The following CSTPP1 variants were observed in gnomAD, a reference collection of about 807,000 sequenced individuals.
CSTPP1 encodes centriolar satellite-associated tubulin polyglutamylase complex regulator 1.
the CSTPP1 span, chr11:47,052,582 CCT>C: frequency 1.2e-4 from 188 of 1,547,728 alleles, no homozygotes; most frequent in East Asian, 5.8e-4. Flanking sequence ...TTCCTTCCTT[CCT>C]CTCTCTCTCT....
the CSTPP1 span, among the ~76,000 whole-genome samples, chr11:47,095,605 A>G: frequency 6.6e-6 from 1 of 152,092 alleles, no homozygotes; most frequent in Admixed American, 6.5e-5. Context: ...TCTATTTTTG[A>G]TGTCTTGGGT....
At chr11:47,000,437 G>C in the CSTPP1 span, among the ~76,000 whole-genome samples, 1 of 152,108 alleles carries the variant, frequency 6.6e-6, no homozygotes. Flanking sequence ...ATATAGAAAA[G>C]AATAATATTC....
At chr11:46,988,079 T>C in the CSTPP1 span, among the ~76,000 whole-genome samples, 2 of 152,300 alleles carry the variant, frequency 1.3e-5, no homozygotes, top group African/African-American at 4.8e-5. Flanking sequence ...CTGGCGAGGA[T>C]GTGGAGAAAG....
At chr11:47,161,771 A>C in the CSTPP1 span, 1 of 1,427,612 alleles carries the variant, frequency 7.0e-7, no homozygotes, top group Non-Finnish European at 9.1e-7. Flanking sequence ...CAGCCCCAAG[A>C]CCAGCCAGAG....
At chr11:47,058,170 C>T in the CSTPP1 span, among the ~76,000 whole-genome samples, 1 of 151,970 alleles carries the variant, frequency 6.6e-6, no homozygotes, top group Non-Finnish European at 1.5e-5. Flanking sequence ...CCTGTCTCTA[C>T]AAAAAATTTA....
At chr11:47,133,670 C>A in the CSTPP1 span, among the ~76,000 whole-genome samples, 1 of 152,226 alleles carries the variant, frequency 6.6e-6, no homozygotes, top group African/African-American at 2.4e-5. Context: ...TGATCCAGTT[C>A]AACTGGAGCT....
the CSTPP1 span, among the ~76,000 whole-genome samples, chr11:47,122,663 A>C: frequency 2.0e-5 from 3 of 152,026 alleles, no homozygotes; most frequent in Non-Finnish European, 4.4e-5. Flanking sequence ...GCTCACTGCA[A>C]CCTCCGCCTC....
the CSTPP1 span, among the ~76,000 whole-genome samples, chr11:47,074,416 C>T: frequency 6.6e-6 from 1 of 150,448 alleles, no homozygotes; most frequent in Non-Finnish European, 1.5e-5. Flanking sequence ...GGGAAGATTC[C>T]TTGAGCTCAG....
the CSTPP1 span, among the ~76,000 whole-genome samples, chr11:46,945,732 C>T: frequency 6.6e-6 from 1 of 152,154 alleles, no homozygotes; most frequent in Non-Finnish European, 1.5e-5. Context: ...AATACCTTCT[C>T]TATATAAAGC....
chr11:46,959,919 T>G, the CSTPP1 span, among the ~76,000 whole-genome samples: 1 of 149,494 alleles, frequency 6.7e-6, no homozygotes, highest in Non-Finnish European at 1.5e-5. Context: ...CAGGCTGGAA[T>G]GCAATGGTGC....
At chr11:46,985,372 T>A in the CSTPP1 span, among the ~76,000 whole-genome samples, 2 of 152,326 alleles carry the variant, frequency 1.3e-5, no homozygotes, top group Non-Finnish European at 2.9e-5. Flanking sequence ...AAATTTTAGG[T>A]AATTCCATCA....
chr11:47,016,383 G>A, the CSTPP1 span, among the ~76,000 whole-genome samples: 4 of 84,842 alleles, frequency 4.7e-5, no homozygotes, highest in Admixed American at 2.8e-4. Context: ...AAAGCCTATG[G>A]AATCTACAAA....
chr11:47,089,277 G>A, the CSTPP1 span, among the ~76,000 whole-genome samples: 2 of 152,140 alleles, frequency 1.3e-5, no homozygotes, highest in African/African-American at 4.8e-5. Context: ...TAATGTGGCT[G>A]AATCACTAGA....
At chr11:46,969,428 T>C in the CSTPP1 span, among the ~76,000 whole-genome samples, 2 of 152,236 alleles carry the variant, frequency 1.3e-5, no homozygotes, top group Non-Finnish European at 2.9e-5. Context: ...TATGAAATGA[T>C]ATATTTTGGA....
At chr11:47,164,081 T>G in the CSTPP1 span, 1 of 1,598,730 alleles carries the variant, frequency 6.3e-7, no homozygotes, top group Non-Finnish European at 8.5e-7. Flanking sequence ...CTCTTTCCTC[T>G]GCGTGCCACA....
the CSTPP1 span, among the ~76,000 whole-genome samples, chr11:47,030,495 G>A: frequency 6.6e-6 from 1 of 152,130 alleles, no homozygotes; most frequent in Non-Finnish European, 1.5e-5. Flanking sequence ...ATCCAGTATG[G>A]TTACAGTTAT....
the CSTPP1 span, among the ~76,000 whole-genome samples, chr11:47,107,207 T>G: frequency 1.3e-5 from 2 of 152,208 alleles, no homozygotes; most frequent in Non-Finnish European, 2.9e-5. Context: ...TAATAGGCTG[T>G]TTATTCTTCA....
chr11:47,122,592 A>AT, the CSTPP1 span, among the ~76,000 whole-genome samples: 4 of 151,650 alleles, frequency 2.6e-5, no homozygotes, highest in Non-Finnish European at 4.4e-5. Context: ...TTTATTTTTT[A>AT]TTTTTTTTGA....
At chr11:46,946,057 G>A in the CSTPP1 span, among the ~76,000 whole-genome samples, 18 of 152,190 alleles carry the variant, frequency 1.2e-4, no homozygotes, top group Middle Eastern at 3.4e-3. Flanking sequence ...TTTAATACAT[G>A]TAATAAATAA....
Sources: allele counts gnomAD v4.1 joint callset (sites outside exome capture counted in the v4.1 genomes callset), GRCh38; gene constraint gnomAD v4.1.1; transcripts MANE v1.5; gene names NCBI Gene and HGNC (gene_info 2026-07-23, HGNC 2026-07-21).